Variants in PLPPR5 observed in about 807,000 individuals in gnomAD.
The protein encoded by PLPPR5 is phospholipid phosphatase-related protein type 5.
Under a neutral mutation model 33.9 loss-of-function variants are expected in PLPPR5, and 16 were observed. The ratio of observed to expected loss-of-function variants is 0.47; its 90% CI spans 0.32 to 0.72. The LOEUF is 0.72. Among genes scored for constraint, PLPPR5 ranks in the 30% least tolerant of loss-of-function variants. The pLI, the probability that PLPPR5 is intolerant of heterozygous loss-of-function variation, is 0.03. For synonymous variants in PLPPR5, 163 were observed against 150.3 expected, an observed-to-expected ratio of 1.08 and a Z score of -0.62; for missense variants, 301 against 406.7, an observed-to-expected ratio of 0.74 and a Z score of 2.23.
chr1:98,961,034 A>AC (rs1459853313), intron 1 of PLPPR5, among the ~76,000 whole-genome samples: 1 of 151,840 alleles, frequency 6.6e-6, no homozygotes, highest in Admixed American at 6.6e-5. Context: ...CAATCCCACT[A>AC]CCCCAATGAG....
chr1:99,005,635 A>G (rs1653063815), upstream of PLPPR5, among the ~76,000 whole-genome samples: 1 of 152,102 alleles, frequency 6.6e-6, no homozygotes, highest in African/African-American at 2.4e-5. Context: ...TGCAGATTCC[A>G]GGCACTGAGC....
intron 1 of PLPPR5, among the ~76,000 whole-genome samples, chr1:98,994,794 T>C (rs548441289): frequency 1.3e-5 from 2 of 152,262 alleles, no homozygotes; most frequent in East Asian, 3.9e-4. Context: ...GAATTTTTCA[T>C]TGATGAAAGT....
intron 1 of PLPPR5, among the ~76,000 whole-genome samples, chr1:98,988,107 G>A (rs1266204574): frequency 2.0e-5 from 3 of 152,024 alleles, no homozygotes; most frequent in Non-Finnish European, 4.4e-5. Flanking sequence ...CTGGAATGTG[G>A]TATCTGAGAA....
At chr1:98,904,612 G>T (rs767861455) in intron 5 of PLPPR5, among the ~76,000 whole-genome samples, 1 of 151,960 alleles carries the variant, frequency 6.6e-6, no homozygotes, top group Non-Finnish European at 1.5e-5. Flanking sequence ...TTATCTCCAT[G>T]TGCTGACCTA....
chr1:98,966,468 T>C (rs6679179), intron 1 of PLPPR5, among the ~76,000 whole-genome samples: 28,354 of 152,116 alleles, frequency 0.19, 2,698 homozygotes, highest in East Asian at 0.26. Context: ...TTCAAAGCAA[T>C]CTGATGAGGT....
Position 98,926,447 on chromosome 1 carries a change from A to AGTGTGT in PLPPR5, c.622-4395_622-4390dup, listed in dbSNP as rs60874366. Among the ~76,000 whole-genome samples, 195 of 132,714 alleles carry AGTGTGT rather than the reference A, an allele frequency of 1.5e-3. 1 individual carries two copies. The Middle Eastern group carries it at 0.015, about 10-fold the overall frequency. The allele number at this position is 132,714 out of a possible 152,430, so 87.1% of individuals were successfully genotyped here. On this transcript the variant is annotated intron_variant, in intron 3 of 5. Transcript: ENST00000263177. Reference sequence around the variant, plus strand: ...ATCTAACAGGGCACTAGGTTTGATTAGTGTGTGTGTGTGTGTGTGTGTGTG... The same window carrying AGTGTGT: ...ATCTAACAGGGCACTAGGTTTGATTAGTGTGTGTGTGTGTGTGTGTGTGTGTGTGTG...
In PLPPR5 at chr1:98,921,947, A is replaced by G. The variant is rs765330747; in HGVS notation, c.733T>C (p.Tyr245His). Reference sequence around the variant, plus strand: ...ATAACATCTGACCAATGATTTCGATATTCTGCTACTCTGTTGAGTCCAGTA... The same window carrying G: ...ATAACATCTGACCAATGATTTCGATGTTCTGCTACTCTGTTGAGTCCAGTA... ...FLTGLNRVAE[Y>H]RNHWSDVIAG... The change falls in exon 4 of 6, where the codon TAT becomes CAT. Residue 245 changes from tyrosine (Y) to histidine (H), a missense_variant. Transcript: ENST00000263177. 1.2e-6 allele frequency: 2 copies of G among 1,614,032 alleles called. No individual in the cohort carries two copies. The highest frequency in any genetic ancestry group is 3.3e-5 in the Admixed American group (2 of 60,018).
chr1:98,929,822 T>G (rs2101174077), intron 3 of PLPPR5, among the ~76,000 whole-genome samples: 1 of 152,314 alleles, frequency 6.6e-6, no homozygotes, highest in South Asian at 2.1e-4. Context: ...ACACTTTTGC[T>G]TGACATTATC....
At chr1:98,917,399 T>C (rs1007120406) in intron 4 of PLPPR5, among the ~76,000 whole-genome samples, 1 of 152,188 alleles carries the variant, frequency 6.6e-6, no homozygotes, top group Non-Finnish European at 1.5e-5. Flanking sequence ...AAATCTAATC[T>C]TGGCCCCTCT....
Position 99,004,417 on chromosome 1 carries a change from G to A in PLPPR5, c.237+18C>T. The A allele has an allele frequency of 1.9e-6, 3 of 1,574,048 alleles. No individual in the cohort carries two copies. Among genetic ancestry groups the A allele is most frequent in the Non-Finnish European group, 2.6e-6 (3 of 1,156,264 alleles). On this transcript the variant is annotated intron_variant, in intron 1 of 5. Coordinates refer to ENST00000263177, the MANE Select transcript of PLPPR5 (RefSeq NM_001037317.2). Reference sequence around the variant, plus strand: ...AGATCAGGGACTCGGCGACGAGGGCGAGCGCCCCCGGGCTTACCACGAGCA... The same window carrying A: ...AGATCAGGGACTCGGCGACGAGGGCAAGCGCCCCCGGGCTTACCACGAGCA...
At chr1:98,980,344 G>A (rs967370542) in intron 1 of PLPPR5, among the ~76,000 whole-genome samples, 21 of 151,900 alleles carry the variant, frequency 1.4e-4, no homozygotes, top group African/African-American at 4.6e-4. Context: ...TCTCATAAGC[G>A]AAAGAAGTCA....
chr1:98,927,006 G>A (rs115296414), intron 3 of PLPPR5, among the ~76,000 whole-genome samples: 1 of 152,292 alleles, frequency 6.6e-6, no homozygotes, highest in Non-Finnish European at 1.5e-5. Context: ...ATGCAATGGT[G>A]GAAAGACCAT....
At chr1:98,936,954 C>T (rs145084449) in intron 3 of PLPPR5, among the ~76,000 whole-genome samples, 15 of 152,248 alleles carry the variant, frequency 9.9e-5, no homozygotes, top group Admixed American at 7.2e-4. Context: ...ATTTATGCCC[C>T]GGCTGGCATT....
intron 2 of PLPPR5, among the ~76,000 whole-genome samples, chr1:98,953,930 A>T (rs749460823): frequency 6.6e-6 from 1 of 152,186 alleles, no homozygotes; most frequent in Non-Finnish European, 1.5e-5. Flanking sequence ...AAAGTCATAG[A>T]ACAGCTAGTA....
At chr1:98,945,849 C>G (rs895806886) in intron 3 of PLPPR5, among the ~76,000 whole-genome samples, 15 of 152,144 alleles carry the variant, frequency 9.9e-5, no homozygotes, top group Non-Finnish European at 1.6e-4. Context: ...TTTAGAAACT[C>G]TGAGGTGGAC....
intron 2 of PLPPR5, among the ~76,000 whole-genome samples, chr1:98,954,206 T>C (rs1650918954): frequency 6.6e-6 from 1 of 152,186 alleles, no homozygotes; most frequent in African/African-American, 2.4e-5. Flanking sequence ...TTTTCTATTA[T>C]ACGGGCAAAA....
intron 5 of PLPPR5, among the ~76,000 whole-genome samples, chr1:98,902,344 T>C (rs972945385): frequency 8.3e-6 from 1 of 120,148 alleles, no homozygotes; most frequent in African/African-American, 3.2e-5. Flanking sequence ...CACACGTTCA[T>C]TGGGTCTTGA....
At chr1:98,899,606 A>G (rs966194878) in intron 5 of PLPPR5, among the ~76,000 whole-genome samples, 2 of 152,038 alleles carry the variant, frequency 1.3e-5, no homozygotes, top group African/African-American at 4.8e-5. Context: ...AGAGTTACAC[A>G]ATGCATAAAA....
At chr1:98,904,315 G>C (rs1445800301) in intron 5 of PLPPR5, among the ~76,000 whole-genome samples, 1 of 122,794 alleles carries the variant, frequency 8.1e-6, no homozygotes, top group African/African-American at 3.1e-5. Context: ...CAATTGATTA[G>C]GAGCACATCA....
Sources: gnomAD v4.1 joint callset for allele counts (sites outside exome capture counted in the v4.1 genomes callset) on GRCh38, gnomAD v4.1.1 for gene constraint, MANE v1.5 for transcripts, NCBI Gene and HGNC (gene_info 2026-07-23, HGNC 2026-07-21) for gene names.